CHSY3: variants seen among roughly 807,000 people sequenced by gnomAD.
CHSY3 encodes chondroitin sulfate synthase 3.
A neutral mutation model predicts 67.2 loss-of-function variants in CHSY3; 35 were observed. That is an observed-to-expected ratio of 0.52 (90% CI 0.40 to 0.69). The LOEUF (loss-of-function observed/expected upper bound fraction) is 0.69, where lower values mean the gene tolerates loss of function less well. Ranked by LOEUF, CHSY3 falls within the 30% of genes least tolerant of loss-of-function variation. The pLI, the probability that CHSY3 is intolerant of heterozygous loss-of-function variation, is 0.00. For missense variants in CHSY3, 1,069 were observed against 1,138.5 expected (o/e 0.94, Z 0.88); for synonymous variants, 474 against 434.7 (o/e 1.09, Z -1.12).
At chr5:130,077,812 CA>C (rs1355399367) in intron 2 of CHSY3, among the ~76,000 whole-genome samples, 1 of 149,984 alleles carries the variant, frequency 6.7e-6, no homozygotes, top group African/African-American at 2.5e-5. Flanking sequence ...TATATATATA[CA>C]CACATATATA....
At chr5:129,978,345 C>T (rs560692555) in intron 2 of CHSY3, among the ~76,000 whole-genome samples, 1 of 152,186 alleles carries the variant, frequency 6.6e-6, no homozygotes, top group African/African-American at 2.4e-5. Context: ...CAGTATTTTG[C>T]CAATACAAAT....
rs1770396513 is a variant in CHSY3, at chr5:130,185,638, T to A, written c.2496T>A (p.Ile832=). 1 of 1,613,984 alleles carries A rather than the reference T, an allele frequency of 6.2e-7. No homozygotes were observed. The highest frequency in any genetic ancestry group is 8.5e-7 in the Non-Finnish European group (1 of 1,180,000). The change falls in exon 3 of 3, where the codon ATT becomes ATA. Residue 832 remains isoleucine, a synonymous_variant. Coordinates refer to ENST00000305031, the MANE Select transcript of CHSY3 (RefSeq NM_175856.5). ...GCCAAGAAGTAGGAGTGGTGCATAT[T>A]TTCCATCCAGTTCATTGTGATCCTA... ...FRSQEVGVVH[I]FHPVHCDPNL...
At chr5:130,161,166 A>C (rs1769531358) in intron 2 of CHSY3, among the ~76,000 whole-genome samples, 2 of 152,126 alleles carry the variant, frequency 1.3e-5, no homozygotes, top group Admixed American at 1.3e-4. Context: ...TGCTTCCTAA[A>C]GTGCTGGGAT....
At chr5:130,070,873 A>T (rs1022487455) in intron 2 of CHSY3, among the ~76,000 whole-genome samples, 1 of 152,128 alleles carries the variant, frequency 6.6e-6, no homozygotes, top group South Asian at 2.1e-4. Flanking sequence ...CTGCTTTAAG[A>T]CTCAGATTTG....
chr5:130,002,614 G>A (rs1763761810), intron 2 of CHSY3, among the ~76,000 whole-genome samples: 1 of 151,994 alleles, frequency 6.6e-6, no homozygotes, highest in Non-Finnish European at 1.5e-5. Flanking sequence ...GAGCCACCAA[G>A]AGCAAATGAG....
At chr5:129,989,085 A>G (rs1763283741) in intron 2 of CHSY3, among the ~76,000 whole-genome samples, 1 of 152,158 alleles carries the variant, frequency 6.6e-6, no homozygotes, top group Admixed American at 6.6e-5. Context: ...TTATGCTGCT[A>G]TAACAGAATA....
intron 2 of CHSY3, among the ~76,000 whole-genome samples, chr5:130,165,284 G>T (rs1183243714): frequency 6.6e-6 from 1 of 152,088 alleles, no homozygotes; most frequent in Non-Finnish European, 1.5e-5. Context: ...AAGATATGAA[G>T]AAGAGAAGCA....
intron 2 of CHSY3, among the ~76,000 whole-genome samples, chr5:130,013,809 T>C (rs1486442296): frequency 2.0e-5 from 3 of 152,226 alleles, no homozygotes; most frequent in Non-Finnish European, 4.4e-5. Flanking sequence ...GTGATTAATA[T>C]TTGGTGCCTT....
chr5:129,943,944 G>A (rs1021494064), intron 2 of CHSY3, among the ~76,000 whole-genome samples: 1 of 152,182 alleles, frequency 6.6e-6, no homozygotes, highest in African/African-American at 2.4e-5. Context: ...AAGTGTGAGT[G>A]TTGTAGTAAA....
At chr5:130,183,151 G>A (rs375563867) in intron 2 of CHSY3, among the ~76,000 whole-genome samples, 111 of 151,114 alleles carry the variant, frequency 7.3e-4, no homozygotes, top group Middle Eastern at 3.4e-3. Flanking sequence ...TCATAATCAC[G>A]TATCTCGAGT....
intron 2 of CHSY3, among the ~76,000 whole-genome samples, chr5:130,067,391 C>T (rs1765917848): frequency 6.6e-6 from 1 of 152,122 alleles, no homozygotes; most frequent in East Asian, 1.9e-4. Flanking sequence ...AGAGTTTGTA[C>T]ACCATGTGTG....
At chr5:130,071,591 C>T (rs1382483135) in intron 2 of CHSY3, among the ~76,000 whole-genome samples, 2 of 150,736 alleles carry the variant, frequency 1.3e-5, no homozygotes, top group Non-Finnish European at 3.0e-5. Context: ...ACACATATCA[C>T]ATTCTCTTTA....
intron 2 of CHSY3, among the ~76,000 whole-genome samples, chr5:130,004,419 G>T (rs778062399): frequency 9.9e-5 from 15 of 152,062 alleles, no homozygotes; most frequent in Non-Finnish European, 2.1e-4. Context: ...AAACCATCTA[G>T]AATTAGAAAT....
chr5:130,075,266 G>A (rs1319662449), intron 2 of CHSY3, among the ~76,000 whole-genome samples: 2 of 152,056 alleles, frequency 1.3e-5, no homozygotes, highest in Non-Finnish European at 2.9e-5. Context: ...TTAAGAAAAA[G>A]AATCCTTTTT....
At chr5:130,124,790 A>G (rs924140699) in intron 2 of CHSY3, among the ~76,000 whole-genome samples, 1 of 152,164 alleles carries the variant, frequency 6.6e-6, no homozygotes, top group African/African-American at 2.4e-5. Flanking sequence ...ACCATGGCAC[A>G]TGTATTCCTA....
At chr5:130,170,340 T>C (rs926337440) in intron 2 of CHSY3, among the ~76,000 whole-genome samples, 4 of 152,130 alleles carry the variant, frequency 2.6e-5, no homozygotes, top group African/African-American at 9.7e-5. Flanking sequence ...AATTGCATAG[T>C]ATTCCATGGT....
chr5:130,016,133 A>G lies in CHSY3; in HGVS notation c.1086+107773A>G, dbSNP rs553176699. On this transcript the variant is annotated intron_variant, in intron 2 of 2. Coordinates refer to ENST00000305031, the MANE Select transcript of CHSY3 (RefSeq NM_175856.5). ...ATTGAAAAACTGCCTGTTGTGTACT[A>G]TGGTCTCTACCTGGTGATGGAGTAA... Among the ~76,000 whole-genome samples the G allele has an allele frequency of 6.6e-5, 10 of 152,342 alleles. No homozygotes were observed. In the South Asian group the frequency reaches 1.2e-3, roughly 19 times the overall value.
chr5:130,057,253 C>A (rs940621550), intron 2 of CHSY3, among the ~76,000 whole-genome samples: 60 of 152,012 alleles, frequency 3.9e-4, no homozygotes, highest in African/African-American at 1.4e-3. Context: ...TTTTAAAAAA[C>A]CACCTGAAAT....
chr5:130,089,884 T>A (rs559246240), intron 2 of CHSY3, among the ~76,000 whole-genome samples: 78 of 152,298 alleles, frequency 5.1e-4, no homozygotes, highest in African/African-American at 1.9e-3. Flanking sequence ...TGTGTCCAGA[T>A]AACAACTGGG....
Sources: gnomAD v4.1 joint callset for allele counts (sites outside exome capture counted in the v4.1 genomes callset) on GRCh38, gnomAD v4.1.1 for gene constraint, MANE v1.5 for transcripts, NCBI Gene and HGNC (gene_info 2026-07-23, HGNC 2026-07-21) for gene names.